Variants in SH3RF3 observed in about 807,000 individuals in gnomAD.
The protein encoded by SH3RF3 is SH3 domain containing ring finger 3, also known as E3 ubiquitin-protein ligase SH3RF3.
SH3RF3 carries 29 observed loss-of-function variants against 66.3 expected under a neutral mutation model. The observed-to-expected ratio is 0.44, with a 90% CI of 0.33 to 0.60. SH3RF3 has a LOEUF of 0.60. Ranked by LOEUF, SH3RF3 falls within the 20% of genes least tolerant of loss-of-function variation. SH3RF3 has a pLI of 0.04. For synonymous variants in SH3RF3, 583 were observed against 532.0 expected, an observed-to-expected ratio of 1.10 and a Z score of -1.32; for missense variants, 1,194 against 1,190.9, an observed-to-expected ratio of 1.00 and a Z score of -0.04.
At chr2:109,200,215 C>T (rs1678637359) in intron 1 of SH3RF3, among the ~76,000 whole-genome samples, 1 of 152,114 alleles carries the variant, frequency 6.6e-6, no homozygotes, top group Non-Finnish European at 1.5e-5. Context: ...AACACCCCAT[C>T]TGCAGAGTCG....
intron 5 of SH3RF3, among the ~76,000 whole-genome samples, chr2:109,422,404 A>G (rs915528947): frequency 6.6e-6 from 1 of 152,204 alleles, no homozygotes. Flanking sequence ...TAAGAGGCCT[A>G]ATCCTGTACG....
chr2:109,426,080 TA>T (rs1036566949), intron 5 of SH3RF3, among the ~76,000 whole-genome samples: 2 of 152,154 alleles, frequency 1.3e-5, no homozygotes, highest in Non-Finnish European at 2.9e-5. Flanking sequence ...GTATATTGTA[TA>T]TTTTTTTAGT....
chr2:109,455,118 A>G (rs1237048055), intron 8 of SH3RF3, among the ~76,000 whole-genome samples: 1 of 152,164 alleles, frequency 6.6e-6, no homozygotes, highest in Non-Finnish European at 1.5e-5. Context: ...TGGCATGGGA[A>G]TGCTGGCCTC....
chr2:109,207,430 C>T (rs556021929), intron 1 of SH3RF3, among the ~76,000 whole-genome samples: 1 of 152,022 alleles, frequency 6.6e-6, no homozygotes, highest in African/African-American at 2.4e-5. Flanking sequence ...TTGGCAGTTT[C>T]GATTTTGAAA....
In SH3RF3 at chr2:109,436,909, G is replaced by C; in HGVS notation, c.1591G>C (p.Ala531Pro). Residue 531 changes from alanine (A) to proline (P), a missense_variant, in exon 7 of 10, where the codon GCA becomes CCA. Physicochemically the swap from Ala to Pro is conservative, Grantham distance 27. Coordinates refer to ENST00000309415, the MANE Select transcript of SH3RF3 (RefSeq NM_001099289.3). The stretch of plus-strand genomic sequence containing the variant: ...TCTCCACAGGGTGCCTGCAGGAGGG[G>C]CAGGGCCGCCCCGGAATAATGTAGT... ...TPVSRVPAGG[A>P]GPPRNNVVGG... 1 of 1,613,494 alleles carries C rather than the reference G, an allele frequency of 6.2e-7. No individual in the cohort carries two copies. The highest frequency in any genetic ancestry group is 8.5e-7 in the Non-Finnish European group (1 of 1,179,850).
chr2:109,208,624 C>T (rs1345802854), intron 1 of SH3RF3, among the ~76,000 whole-genome samples: 1 of 152,212 alleles, frequency 6.6e-6, no homozygotes, highest in Non-Finnish European at 1.5e-5. Flanking sequence ...AGTCATTTGA[C>T]TTTACTGTTT....
chr2:109,270,016 A>G (rs1209631756), intron 1 of SH3RF3, among the ~76,000 whole-genome samples: 2 of 152,220 alleles, frequency 1.3e-5, no homozygotes, highest in Non-Finnish European at 2.9e-5. Flanking sequence ...GAAATACTTA[A>G]TAGATTGCGA....
rs369608008 is a variant in SH3RF3, at chr2:109,240,419, C to A, written c.574-107255C>A. On this transcript the variant is annotated intron_variant, in intron 1 of 9. Coordinates refer to ENST00000309415, the MANE Select transcript of SH3RF3 (RefSeq NM_001099289.3). ...AGGAAAATTGCTTAAACCTGGGAGG[C>A]GGAGCTTGCAGTGAGCCAAGATCGC... Among the ~76,000 whole-genome samples, 146 of 152,142 alleles carry A rather than the reference C, an allele frequency of 9.6e-4. 2 individuals are homozygous for A. The highest frequency in any genetic ancestry group is 3.3e-3 in the African/African-American group (138 of 41,492).
chr2:109,227,746 G>A (rs1679404186), intron 1 of SH3RF3, among the ~76,000 whole-genome samples: 1 of 152,200 alleles, frequency 6.6e-6, no homozygotes, highest in Non-Finnish European at 1.5e-5. Flanking sequence ...GTCCTTTCGG[G>A]TCCAACGCAA....
At chr2:109,390,188 G>A (rs1039320711) in intron 3 of SH3RF3, among the ~76,000 whole-genome samples, 1 of 152,236 alleles carries the variant, frequency 6.6e-6, no homozygotes, top group Non-Finnish European at 1.5e-5. Flanking sequence ...CCTTGTGGCA[G>A]TTCTTGGAGA....
chr2:109,432,661 C>T lies in SH3RF3; in HGVS notation c.1564C>T (p.Pro522Ser), dbSNP rs756105425. The T allele has an allele frequency of 6.2e-7, 1 of 1,611,744 alleles. No homozygotes were observed. The highest frequency in any genetic ancestry group is 1.3e-5 in the African/African-American group (1 of 74,922). ...GGTGTTCCCCGGAAACTACGTGACA[C>T]CCGTTTCCAGGTGAGGGCATGGTGG... ...SGVFPGNYVT[P>S]VSRVPAGGAG... Residue 522 changes from proline (P) to serine (S), a missense_variant, in exon 6 of 10, where the codon CCC (proline) becomes TCC (serine). Transcript: ENST00000309415.
chr2:109,189,253 C>G (rs894322454), intron 1 of SH3RF3, among the ~76,000 whole-genome samples: 5 of 151,844 alleles, frequency 3.3e-5, no homozygotes, highest in Admixed American at 3.3e-4. Context: ...TGAGGTCTGG[C>G]CAAGCTTGAT....
chr2:109,388,995 A>T (rs533649766), intron 3 of SH3RF3, among the ~76,000 whole-genome samples: 2 of 152,298 alleles, frequency 1.3e-5, no homozygotes, highest in South Asian at 4.1e-4. Context: ...TGTAAACCAC[A>T]GCCCAATGCA....
intron 1 of SH3RF3, among the ~76,000 whole-genome samples, chr2:109,198,030 A>G (rs1429774636): frequency 6.6e-6 from 1 of 152,150 alleles, no homozygotes; most frequent in Non-Finnish European, 1.5e-5. Flanking sequence ...GCAGGTTTCC[A>G]GCAGAGTTGT....
chr2:109,231,586 T>C (rs1679516624), intron 1 of SH3RF3, among the ~76,000 whole-genome samples: 1 of 152,244 alleles, frequency 6.6e-6, no homozygotes, highest in African/African-American at 2.4e-5. Flanking sequence ...GATAAGCTAC[T>C]TCTTTCCACC....
chr2:109,141,739 C>G (rs1228540523), intron 1 of SH3RF3, among the ~76,000 whole-genome samples: 5 of 152,116 alleles, frequency 3.3e-5, no homozygotes, highest in Non-Finnish European at 5.9e-5. Context: ...TTTCTAGACC[C>G]CGGGGAACAA....
intron 1 of SH3RF3, among the ~76,000 whole-genome samples, chr2:109,255,460 G>C (rs1680201435): frequency 6.6e-6 from 1 of 152,198 alleles, no homozygotes; most frequent in Non-Finnish European, 1.5e-5. Flanking sequence ...TTCAGGGTTG[G>C]ACTGGGGTTC....
intron 2 of SH3RF3, 73 bp downstream of exon 2, chr2:109,348,022 A>C: frequency 6.6e-7 from 1 of 1,513,460 alleles, no homozygotes; most frequent in African/African-American, 1.4e-5. Flanking sequence ...TCCCAGCCAC[A>C]GACCTATAGC....
intron 5 of SH3RF3, among the ~76,000 whole-genome samples, chr2:109,429,734 C>T (rs1343731262): frequency 1.3e-5 from 2 of 152,212 alleles, no homozygotes; most frequent in South Asian, 2.1e-4. Context: ...TCCATCCCCT[C>T]GAGCTTTTGT....
Sources: allele counts gnomAD v4.1 joint callset (sites outside exome capture counted in the v4.1 genomes callset), GRCh38; gene constraint gnomAD v4.1.1; transcripts MANE v1.5; gene names NCBI Gene and HGNC (gene_info 2026-07-23, HGNC 2026-07-21).